Variants in CROCC2 observed in about 807,000 individuals in gnomAD.
CROCC2 encodes ciliary rootlet coiled-coil, rootletin family member 2, also known as ciliary rootlet coiled-coil protein 2.
A neutral mutation model predicts 177.6 loss-of-function variants in CROCC2; 163 were observed. That is an observed-to-expected ratio of 0.92 (90% CI 0.81 to 1.05). The LOEUF (loss-of-function observed/expected upper bound fraction) is 1.05. CROCC2 is among the 50% of genes least tolerant of loss of function. The pLI, the probability that CROCC2 is intolerant of heterozygous loss-of-function variation, is 0.00. For missense variants in CROCC2, 1,929 were observed against 1,797.8 expected (o/e 1.07, Z -1.32); for synonymous variants, 904 against 787.3 (o/e 1.15, Z -2.48).
intron 28 of CROCC2, among the ~76,000 whole-genome samples, chr2:240,986,571 G>A (rs1002186425): frequency 3.9e-5 from 6 of 152,338 alleles, no homozygotes; most frequent in African/African-American, 9.6e-5. Context: ...CACCTCCAGC[G>A]TCCTGGGGGA....
chr2:240,920,869 C>T (rs927063228), intron 3 of CROCC2, among the ~76,000 whole-genome samples: 14 of 152,240 alleles, frequency 9.2e-5, no homozygotes, highest in Non-Finnish European at 2.1e-4. Flanking sequence ...GACATGCTGG[C>T]TTCTGAGGCA....
intron 27 of CROCC2, 108 bp downstream of exon 27, chr2:240,968,370 G>T: frequency 7.5e-7 from 1 of 1,338,530 alleles, no homozygotes; most frequent in Non-Finnish European, 9.8e-7. Flanking sequence ...GGAGAGAGGG[G>T]TCTGCAAGGG....
chr2:240,961,351 A>C (rs527871362), intron 20 of CROCC2, among the ~76,000 whole-genome samples: 17 of 151,876 alleles, frequency 1.1e-4, no homozygotes, highest in African/African-American at 3.9e-4. Flanking sequence ...ACTCACACAC[A>C]CTCACGCTGG....
At chr2:240,911,219 C>A (rs2059286158) in intron 1 of CROCC2, among the ~76,000 whole-genome samples, 1 of 151,424 alleles carries the variant, frequency 6.6e-6, no homozygotes, top group Non-Finnish European at 1.5e-5. Flanking sequence ...ACCATTTTAA[C>A]CATTTTTAGG....
intron 20 of CROCC2, chr2:240,959,729 GA>G: frequency 3.1e-6 from 1 of 326,868 alleles, no homozygotes; most frequent in South Asian, 8.0e-5. Flanking sequence ...TCAGGGGAAA[GA>G]AGGCATCATT....
chr2:240,967,554 C>T (rs1351640444), intron 26 of CROCC2, 89 bp downstream of exon 26: 2 of 1,521,532 alleles, frequency 1.3e-6, no homozygotes, highest in African/African-American at 2.8e-5. Flanking sequence ...TATAAGCTTT[C>T]AGTCCCTGGG....
At position 240,950,434 on chromosome 2, in the gene CROCC2, C is replaced by G; in HGVS notation, c.2753C>G (p.Ala918Gly). Reference sequence around the variant, plus strand: ...ACAAAAAGTGCAGCTGAGAGGGAGGCTCTGAAGGGGGAAATTCAGAGCCTG... The same window carrying G: ...ACAAAAAGTGCAGCTGAGAGGGAGGGTCTGAAGGGGGAAATTCAGAGCCTG... ...LVTKSAAERE[A>G]LKGEIQSLKQ... Residue 918 changes from alanine (A) to glycine (G), a missense_variant, in exon 18 of 32, where the codon GCT (alanine) becomes GGT (glycine). By Grantham distance (60) the Ala-to-Gly change is moderately conservative. This residue lies in a region of CROCC2 where 1,397 missense variants were observed against 1,239.9 expected (regional missense o/e 1.13). Transcript: ENST00000690015. 6.5e-7 allele frequency: 1 copy of G among 1,550,310 alleles called. No homozygotes were observed. Among genetic ancestry groups the G allele is most frequent in the Non-Finnish European group, 8.7e-7 (1 of 1,146,834 alleles).
chr2:240,935,277 G>C (rs533737642), intron 13 of CROCC2, 81 bp from the exon 14 acceptor site: 4 of 1,267,518 alleles, frequency 3.2e-6, no homozygotes. Context: ...ACAGTGCCCC[G>C]GGGCAGGCCT....
chr2:240,985,811 A>G (rs1314439121), intron 28 of CROCC2: 6 of 371,740 alleles, frequency 1.6e-5, no homozygotes, highest in South Asian at 7.7e-5. Flanking sequence ...ACACACACCC[A>G]GGCACTCACT....
rs184388481 is a variant in CROCC2 at position 240,910,995 on chromosome 2, A to G, written c.78+4404A>G. Among the ~76,000 whole-genome samples, 1,299 of 151,988 alleles carry G rather than the reference A, an allele frequency of 8.5e-3. 13 individuals carry two copies. Among genetic ancestry groups the G allele is most frequent in the African/African-American group, 0.028 (1,152 of 41,448 alleles). ...AAAATACAAAAATTAGCCAGGCATG[A>G]TGGCAGGCGCCTGTAATCCCAGCTA... On this transcript the variant is annotated intron_variant, in intron 1 of 31. Coordinates refer to ENST00000690015, the MANE Select transcript of CROCC2 (RefSeq NM_001351305.2).
rs899381149 is a variant in CROCC2, at chr2:240,953,313, G to A, written c.2830-2546G>A. ...GCCTGTAATCCCCGCTACTCAGGAGGCTGAGGCAGGAGAATCGCTTGAACC... is the reference window on the plus strand; with the variant it reads ...GCCTGTAATCCCCGCTACTCAGGAGACTGAGGCAGGAGAATCGCTTGAACC... On this transcript the variant is annotated intron_variant, in intron 18 of 31. Coordinates refer to ENST00000690015, the MANE Select transcript of CROCC2 (RefSeq NM_001351305.2). This position sits in a 1 kb window ranked among gnomAD's most constrained non-coding sequence, Gnocchi z 4.0. Among the ~76,000 whole-genome samples the A allele has an allele frequency of 6.6e-6, 1 of 152,078 alleles. No homozygotes were observed. Among genetic ancestry groups the A allele is most frequent in the Admixed American group, 6.5e-5 (1 of 15,278 alleles).
chr2:240,933,162 C>T lies in CROCC2; in HGVS notation c.1283C>T (p.Ala428Val). 1 of 1,550,044 alleles carries T rather than the reference C, an allele frequency of 6.5e-7. No homozygotes were observed. Among genetic ancestry groups the T allele is most frequent in the Non-Finnish European group, 8.7e-7 (1 of 1,146,788 alleles). Residue 428 changes from alanine (A) to valine (V), a missense_variant, in exon 10 of 32, where the codon GCA becomes GTA. Coordinates refer to ENST00000690015, the MANE Select transcript of CROCC2 (RefSeq NM_001351305.2). ...TGCCTGCAGCTGAAGTCCTCCCAGGCACTGGTGGCCAGTCTCCAGGAGCAG... is the reference window on the plus strand; with the variant it reads ...TGCCTGCAGCTGAAGTCCTCCCAGGTACTGGTGGCCAGTCTCCAGGAGCAG... ...ELCLQLKSSQ[A>V]LVASLQEQLS...
intron 5 of CROCC2, among the ~76,000 whole-genome samples, chr2:240,927,945 C>G (rs2059404467): frequency 6.6e-6 from 1 of 152,270 alleles, no homozygotes; most frequent in Non-Finnish European, 1.5e-5. Context: ...GCCACCTCGC[C>G]TGGCTTCTTA....
At chr2:240,963,829 G>A (rs1198998524) in intron 21 of CROCC2, 56 bp downstream of exon 21, 1 of 1,522,348 alleles carries the variant, frequency 6.6e-7, no homozygotes, top group Non-Finnish European at 8.9e-7. Flanking sequence ...TGCCCACCCA[G>A]GCCGTAGGGA....
At chr2:240,968,487 T>C (rs1452505265) in intron 27 of CROCC2, among the ~76,000 whole-genome samples, 1 of 152,184 alleles carries the variant, frequency 6.6e-6, no homozygotes, top group Non-Finnish European at 1.5e-5. Context: ...GGGGTCGTCC[T>C]TAGCAGAGCT....
At chr2:240,963,248 G>A (rs1243287779) in intron 20 of CROCC2, 1 of 431,360 alleles carries the variant, frequency 2.3e-6, no homozygotes, top group South Asian at 5.0e-5. Context: ...CCGCATCCCA[G>A]GTAGGCCTTG....
rs2059673942 is a variant in CROCC2 at position 240,965,394 on chromosome 2, A to G, written c.3479A>G (p.Lys1160Arg). 1.3e-6 allele frequency: 2 copies of G among 1,549,500 alleles called. No homozygotes were observed. The highest frequency in any genetic ancestry group is 1.7e-6 in the Non-Finnish European group (2 of 1,146,894). The change falls in exon 23 of 32, where the codon AAG becomes AGG. Residue 1160 changes from lysine to arginine, a missense_variant. Lys to Arg is a conservative substitution (Grantham distance 26). Coordinates refer to ENST00000690015, the MANE Select transcript of CROCC2 (RefSeq NM_001351305.2). ...RELHRQVRTL[K>R]AENQRRSGEA... is the part of the protein sequence containing the mutation. ...CCACGCTCCCAGGTGAGGACACTGA[A>G]GGCCGAGAACCAGAGGAGGAGTGGA...
Position 240,958,237 on chromosome 2 carries a change from T to C in CROCC2, c.2944-1064T>C, listed in dbSNP as rs2059606236. On this transcript the variant is annotated intron_variant, in intron 19 of 31. Coordinates refer to ENST00000690015, the MANE Select transcript of CROCC2 (RefSeq NM_001351305.2). The surrounding 1 kb of genome is among the most constrained non-coding windows in gnomAD (Gnocchi z 6.7). ...GCCATCGGGCTCCCAGCCGATGCCC[T>C]GTCCCTGAGGCCCTCACAGGGGTAT... 1.0e-6 allele frequency: 1 copy of C among 969,008 alleles called. No individual in the cohort carries two copies. The allele number at this position is 969,008 out of a possible 1,614,324, so 60.0% of individuals were successfully genotyped here. A position where few individuals can be genotyped will look rare whatever the true frequency, so the allele number is the denominator to read the frequency against.
intron 5 of CROCC2, chr2:240,929,726 CA>C: frequency 4.4e-6 from 2 of 459,588 alleles, no homozygotes; most frequent in Non-Finnish European, 8.7e-6. Flanking sequence ...TGGAGAAAGG[CA>C]GCCCGTCCTC....
Sources: allele counts gnomAD v4.1 joint callset (sites outside exome capture counted in the v4.1 genomes callset), GRCh38; gene constraint gnomAD v4.1.1; regional missense constraint gnomAD v4.1.1; non-coding constraint Gnocchi (gnomAD v3.1); transcripts MANE v1.5; gene names NCBI Gene and HGNC (gene_info 2026-07-23, HGNC 2026-07-21).